The following EVI5 variants were observed in gnomAD, a reference collection of about 807,000 sequenced individuals.
The protein encoded by EVI5 is ecotropic viral integration site 5 protein homolog.
Under a neutral mutation model 112.0 loss-of-function variants are expected in EVI5, and 73 were observed. That is an observed-to-expected ratio of 0.65 (90% confidence interval 0.54 to 0.79). The LOEUF is 0.79. EVI5 is among the 30% of genes least tolerant of loss of function. The pLI is 0.00. For missense variants in EVI5, 900 were observed against 968.8 expected (o/e 0.93, Z 0.94); for synonymous variants, 305 against 319.9 (o/e 0.95, Z 0.50).
At chr1:92,662,619 A>C (rs1280820270) in intron 13 of EVI5, 100 bp downstream of exon 13, 1 of 806,750 alleles carries the variant, frequency 1.2e-6, no homozygotes, top group Admixed American at 5.2e-5. Flanking sequence ...CTAAAACAAA[A>C]TTATTTAAAA....
intron 16 of EVI5, among the ~76,000 whole-genome samples, chr1:92,620,283 T>G (rs1162097423): frequency 6.7e-6 from 1 of 149,116 alleles, no homozygotes; most frequent in African/African-American, 2.5e-5. Context: ...GTGGCTGAGG[T>G]TGTGGTGAGC....
intron 13 of EVI5, chr1:92,647,539 A>T (rs1661206072): frequency 1.9e-6 from 1 of 530,264 alleles, no homozygotes; most frequent in East Asian, 3.4e-5. Flanking sequence ...TGCAAAATTG[A>T]CAGAGACCTC....
rs1668964541 is a variant in EVI5 at position 92,563,646 on chromosome 1, T to G, written c.2162A>C (p.His721Pro). 9 of 1,549,524 alleles carry G rather than the reference T, an allele frequency of 5.8e-6. No homozygotes were observed. The highest frequency in any genetic ancestry group is 8.0e-6 in the Non-Finnish European group (9 of 1,129,158). Residue 721 changes from histidine (H) to proline (P), a missense_variant, in exon 19 of 20, where the codon CAT becomes CCT. Coordinates refer to ENST00000684568, the MANE Select transcript of EVI5 (RefSeq NM_001350197.2). ...AGATCAAAATTTATCACTTACCTCATGATTCAGCTCTGCTATCTGATCTTT... is the reference window on the plus strand; with the variant it reads ...AGATCAAAATTTATCACTTACCTCAGGATTCAGCTCTGCTATCTGATCTTT... ...ELKDQIAELN[H>P]ELRCLKGQRG...
At chr1:92,726,006 C>A (rs1028759482) in intron 2 of EVI5, among the ~76,000 whole-genome samples, 5 of 152,038 alleles carry the variant, frequency 3.3e-5, no homozygotes, top group African/African-American at 9.7e-5. Flanking sequence ...TGGCAAAAGA[C>A]AGTATTAGTG....
chr1:92,572,258 A>G (rs1670427312), intron 18 of EVI5, among the ~76,000 whole-genome samples: 1 of 152,132 alleles, frequency 6.6e-6, no homozygotes, highest in South Asian at 2.1e-4. Flanking sequence ...GAAGTGCATT[A>G]AAAAATAAGA....
At position 92,659,626 on chromosome 1, in the gene EVI5, A is replaced by G. The variant is rs188151460; in HGVS notation, c.1392+3093T>C. Among the ~76,000 whole-genome samples the G allele has an allele frequency of 6.6e-5, 10 of 152,220 alleles. No individual in the cohort carries two copies. The East Asian group carries it at 1.5e-3, about 24-fold the overall frequency. On this transcript the variant is annotated intron_variant, in intron 13 of 19. Coordinates refer to ENST00000684568, the MANE Select transcript of EVI5 (RefSeq NM_001350197.2). The stretch of plus-strand genomic sequence containing the variant: ...AGGATGTGGAAAAAGGAGGACACAT[A>G]TACACTACTGGTGGGAATGGAAATT...
chr1:92,605,247 A>G, intron 18 of EVI5, 60 bp downstream of exon 18: 1 of 1,105,392 alleles, frequency 9.0e-7, no homozygotes, highest in Non-Finnish European at 1.4e-6. Context: ...GTTACTGTTC[A>G]GACAAAGAGG....
intron 2 of EVI5, among the ~76,000 whole-genome samples, chr1:92,707,676 A>G (rs1399269775): frequency 1.3e-5 from 2 of 152,238 alleles, no homozygotes; most frequent in Non-Finnish European, 2.9e-5. Flanking sequence ...AAGCAATTCT[A>G]TCAATATTAA....
chr1:92,613,534 CCTGCCT>C, intron 16 of EVI5, among the ~76,000 whole-genome samples: 4 of 152,334 alleles, frequency 2.6e-5, no homozygotes, highest in African/African-American at 9.6e-5. Context: ...AGGTCATCCA[CCTGCCT>C]CAGCCTCCCA....
chr1:92,786,636 T>C (rs987951026), upstream of EVI5, among the ~76,000 whole-genome samples: 5 of 152,128 alleles, frequency 3.3e-5, no homozygotes, highest in Non-Finnish European at 7.4e-5. Flanking sequence ...TTCTTGTGGT[T>C]TACCCATATT....
chr1:92,611,560 G>A (rs1477241528), intron 16 of EVI5, among the ~76,000 whole-genome samples: 1 of 151,432 alleles, frequency 6.6e-6, no homozygotes, highest in African/African-American at 2.4e-5. Flanking sequence ...AAATTAGCCA[G>A]GCGTGATGGC....
intron 19 of EVI5, among the ~76,000 whole-genome samples, chr1:92,556,521 G>A (rs1029891754): frequency 2.6e-5 from 4 of 151,914 alleles, no homozygotes; most frequent in African/African-American, 7.3e-5. Flanking sequence ...TAAACAAAAC[G>A]ACATTATTCA....
chr1:92,726,518 G>A (rs557453827), intron 2 of EVI5, among the ~76,000 whole-genome samples: 1 of 152,068 alleles, frequency 6.6e-6, no homozygotes, highest in East Asian at 1.9e-4. Context: ...ACATACAAAC[G>A]CTAAATAATT....
chr1:92,626,607 T>A (rs905918383), intron 14 of EVI5, among the ~76,000 whole-genome samples: 24 of 152,194 alleles, frequency 1.6e-4, no homozygotes, highest in African/African-American at 5.8e-4. Flanking sequence ...GCCAAACTTT[T>A]CCAAAGCAGC....
intron 16 of EVI5, chr1:92,622,447 A>G: frequency 4.2e-6 from 1 of 237,724 alleles, no homozygotes; most frequent in Admixed American, 5.4e-5. Context: ...GAATGTTCAG[A>G]GTAGCACTGT....
chr1:92,792,219 G>C (rs1011692009), intron 1 of EVI5: 84 of 638,980 alleles, frequency 1.3e-4, no homozygotes, highest in South Asian at 1.2e-3. Context: ...TTAACAAGCT[G>C]TTCCTGTGTT....
chr1:92,522,605 T>A (rs1258028576), intron 19 of EVI5, among the ~76,000 whole-genome samples: 1 of 114,528 alleles, frequency 8.7e-6, no homozygotes, highest in Non-Finnish European at 1.6e-5. Context: ...CACTCCAGCC[T>A]GGGTGACAGA....
chr1:92,628,048 A>T lies in EVI5; in HGVS notation c.1528-2114T>A, dbSNP rs188190099. On this transcript the variant is annotated intron_variant, in intron 14 of 19. Transcript: ENST00000684568. Reference sequence around the variant, plus strand: ...TGTGATCCACCAACCTCGGCCTCCCAAAGGGCTGGGATTACAGGCGTGAGC... The same window carrying T: ...TGTGATCCACCAACCTCGGCCTCCCTAAGGGCTGGGATTACAGGCGTGAGC... Among the ~76,000 whole-genome samples, 1,107 of 152,260 alleles carry T rather than the reference A, an allele frequency of 7.3e-3. 11 individuals carry two copies. The highest frequency in any genetic ancestry group is 9.4e-3 in the Non-Finnish European group (639 of 68,000).
chr1:92,643,804 C>T (rs1660447941), intron 13 of EVI5, among the ~76,000 whole-genome samples: 1 of 151,960 alleles, frequency 6.6e-6, no homozygotes, highest in Admixed American at 6.6e-5. Flanking sequence ...ATCACTGTAC[C>T]AATAGCATTG....
Sources: gnomAD v4.1 joint callset for allele counts (sites outside exome capture counted in the v4.1 genomes callset) on GRCh38, gnomAD v4.1.1 for gene constraint, MANE v1.5 for transcripts, NCBI Gene and HGNC (gene_info 2026-07-23, HGNC 2026-07-21) for gene names.